Variants in OR2C1 observed in about 807,000 individuals in gnomAD.
The protein encoded by OR2C1 is olfactory receptor 2C1.
For missense variants in OR2C1, 468 were observed against 388.3 expected (o/e 1.21, Z -1.73); for synonymous variants, 209 against 167.3 (o/e 1.25, Z -1.92).
the OR2C1 span, among the ~76,000 whole-genome samples, chr16:3,330,748 T>G: frequency 6.6e-6 from 1 of 152,166 alleles, no homozygotes. Flanking sequence ...TAGCTATTTA[T>G]TTTTATTTTT....
At chr16:3,347,246 C>CAAAAAAAAAAAAAAAAAAAAAA in the OR2C1 span, among the ~76,000 whole-genome samples, 2 of 64,486 alleles carry the variant, frequency 3.1e-5, 1 homozygote, top group Non-Finnish European at 5.4e-5. Flanking sequence ...GACTCTGTCT[C>CAAAAAAAAAAAAAAAAAAAAAA]AAAAAAAAAA....
chr16:3,342,915 C>T, the OR2C1 span, among the ~76,000 whole-genome samples: 1 of 152,202 alleles, frequency 6.6e-6, no homozygotes, highest in East Asian at 1.9e-4. Flanking sequence ...ACTATTTATA[C>T]ATGAAAGAAG....
chr16:3,323,131 A>G, the OR2C1 span: 9,689 of 549,604 alleles, frequency 0.018, 794 homozygotes, highest in African/African-American at 0.17. Flanking sequence ...CAAAAAAACA[A>G]AAACACATGC....
At chr16:3,332,282 G>C in the OR2C1 span, among the ~76,000 whole-genome samples, 1 of 151,108 alleles carries the variant, frequency 6.6e-6, no homozygotes, top group Non-Finnish European at 1.5e-5. Flanking sequence ...TTTTTGTAGA[G>C]ACAGGGTCTT....
the OR2C1 span, among the ~76,000 whole-genome samples, chr16:3,349,085 A>G: frequency 6.6e-6 from 1 of 152,142 alleles, no homozygotes; most frequent in African/African-American, 2.4e-5. Flanking sequence ...TCCTCTGCTA[A>G]GAGGAGATAA....
the OR2C1 span, among the ~76,000 whole-genome samples, chr16:3,344,897 G>A: frequency 1.3e-5 from 2 of 151,920 alleles, no homozygotes; most frequent in African/African-American, 4.8e-5. Context: ...ATCCGTTATG[G>A]ACTCCCCTTT....
rs867884117 is a variant in OR2C1 at position 3,356,244 on chromosome 16, T to C, written c.304T>C (p.Tyr102His). 1.9e-6 allele frequency: 3 copies of C among 1,614,154 alleles called. No individual in the cohort carries two copies. The highest frequency in any genetic ancestry group is 1.7e-4 in the Middle Eastern group (1 of 6,060). Residue 102 changes from tyrosine (Y) to histidine (H), a missense_variant, in exon 1 of 1, where the codon TAT (tyrosine) becomes CAT (histidine). Coordinates refer to ENST00000304936, the MANE Select transcript of OR2C1 (RefSeq NM_012368.3). The stretch of plus-strand genomic sequence containing the variant: ...CTATGGTGGCTGCATAACCCAGCTC[T>C]ATGTCTTCCTTTGGCTGGGGGCCAC... The part of the protein sequence containing the change: ...ISYGGCITQL[Y>H]VFLWLGATEC...
chr16:3,340,028 C>T, the OR2C1 span, among the ~76,000 whole-genome samples: 1 of 152,062 alleles, frequency 6.6e-6, no homozygotes, highest in Non-Finnish European at 1.5e-5. Flanking sequence ...CCTGTAATCC[C>T]AGCACTTTGG....
chr16:3,323,121 CAAAA>C, the OR2C1 span: 4 of 529,820 alleles, frequency 7.5e-6, no homozygotes, highest in South Asian at 2.2e-5. Context: ...AAAAAAATCT[CAAAA>C]AAACAAAAAC....
the OR2C1 span, among the ~76,000 whole-genome samples, chr16:3,331,246 C>T: frequency 6.6e-6 from 1 of 151,922 alleles, no homozygotes; most frequent in Non-Finnish European, 1.5e-5. Flanking sequence ...TTGTTTTTTT[C>T]TTGTAAATTT....
At chr16:3,352,741 T>G (rs1235586177), upstream of OR2C1, among the ~76,000 whole-genome samples, 1 of 142,934 alleles carries the variant, frequency 7.0e-6, no homozygotes, top group Non-Finnish European at 1.5e-5. Context: ...TTTCTTTCTT[T>G]TTTTTTTTTT....
At chr16:3,355,773 C>T, upstream of OR2C1, 3 of 603,926 alleles carry the variant, frequency 5.0e-6, no homozygotes, top group Non-Finnish European at 8.7e-6. Flanking sequence ...CAGTGAGAGA[C>T]TCTGTCTCAA....
chr16:3,339,478 A>G, the OR2C1 span, among the ~76,000 whole-genome samples: 1 of 151,996 alleles, frequency 6.6e-6, no homozygotes. Context: ...TGTTTTTGAG[A>G]TGGAGTCTTG....
chr16:3,354,783 T>C (rs959569273), upstream of OR2C1, among the ~76,000 whole-genome samples: 31 of 152,136 alleles, frequency 2.0e-4, no homozygotes, highest in African/African-American at 7.2e-4. Context: ...TTGTTGCTGT[T>C]GTTTTCAAGA....
At chr16:3,341,589 T>C in the OR2C1 span, among the ~76,000 whole-genome samples, 1 of 152,188 alleles carries the variant, frequency 6.6e-6, no homozygotes, top group Non-Finnish European at 1.5e-5. Context: ...CCTCCTAAGA[T>C]TCAATCATTT....
At chr16:3,332,748 TAC>T in the OR2C1 span, among the ~76,000 whole-genome samples, 3 of 142,516 alleles carry the variant, frequency 2.1e-5, no homozygotes, top group Admixed American at 2.2e-4. Flanking sequence ...CACATATACA[TAC>T]ACCACATTTT....
the OR2C1 span, among the ~76,000 whole-genome samples, chr16:3,325,419 T>C: frequency 6.7e-6 from 1 of 149,054 alleles, no homozygotes; most frequent in Non-Finnish European, 1.5e-5. Context: ...ACACCTGGCC[T>C]GTAGTATAGT....
the OR2C1 span, among the ~76,000 whole-genome samples, chr16:3,345,214 A>G: frequency 6.6e-6 from 1 of 152,066 alleles, no homozygotes; most frequent in African/African-American, 2.4e-5. Flanking sequence ...CATGCCTGTA[A>G]TCCCAGCACT....
chr16:3,337,968 C>T, the OR2C1 span, among the ~76,000 whole-genome samples: 4 of 152,184 alleles, frequency 2.6e-5, no homozygotes, highest in Non-Finnish European at 5.9e-5. Context: ...TGCCCCCAAC[C>T]CTAGGTAGGT....
Sources: allele counts gnomAD v4.1 joint callset (sites outside exome capture counted in the v4.1 genomes callset), GRCh38; gene constraint gnomAD v4.1.1; transcripts MANE v1.5; gene names NCBI Gene and HGNC (gene_info 2026-07-23, HGNC 2026-07-21).